The following P2RY8 variants were observed in gnomAD, a reference collection of about 807,000 sequenced individuals.
P2RY8 encodes S-geranylgeranyl-glutathione receptor P2RY8.
A neutral mutation model predicts 10.0 loss-of-function variants in P2RY8; 6 were observed. The observed-to-expected ratio is 0.60, with a 90% CI of 0.33 to 1.19. P2RY8 has a LOEUF of 1.19. Ranked by LOEUF, P2RY8 falls within the 50% of genes most tolerant of loss-of-function variation. The pLI is 0.04. For synonymous variants in P2RY8, 276 were observed against 252.5 expected, an observed-to-expected ratio of 1.09 and a Z score of -0.88; for missense variants, 456 against 542.0, an observed-to-expected ratio of 0.84 and a Z score of 1.58.
At chrX:1,532,057 G>T (rs1292659892) in intron 1 of P2RY8, among the ~76,000 whole-genome samples, 7 of 151,906 alleles carry the variant, frequency 4.6e-5, no homozygotes, top group Non-Finnish European at 1.0e-4. Flanking sequence ...CCCACTGCTG[G>T]GTATCTAGGT....
At chrX:1,532,723 C>A (rs1415644397) in intron 1 of P2RY8, among the ~76,000 whole-genome samples, 1 of 151,756 alleles carries the variant, frequency 6.6e-6, no homozygotes, top group Non-Finnish European at 1.5e-5. Context: ...CCACAACGGC[C>A]GGATGCGGTG....
At chrX:1,518,106 T>C (rs1352025649) in intron 1 of P2RY8, among the ~76,000 whole-genome samples, 1 of 76,216 alleles carries the variant, frequency 1.3e-5, no homozygotes, top group South Asian at 5.1e-4. Flanking sequence ...CGAAACTCCA[T>C]CTCAAAAAAA....
chrX:1,520,504 C>T (rs750512425), intron 1 of P2RY8, among the ~76,000 whole-genome samples: 2 of 151,438 alleles, frequency 1.3e-5, no homozygotes, highest in Non-Finnish European at 2.9e-5. Context: ...CCCCAATATT[C>T]TCTCTGGTCC....
At chrX:1,529,504 T>C (rs73186969) in intron 1 of P2RY8, among the ~76,000 whole-genome samples, 1 of 151,738 alleles carries the variant, frequency 6.6e-6, no homozygotes, top group Non-Finnish European at 1.5e-5. Context: ...AACTGGAGGG[T>C]GTACTCCTGG....
chrX:1,518,152 G>A lies in P2RY8; in HGVS notation c.-25+18769C>T, dbSNP rs1448307900. 2.0e-5 allele frequency among the ~76,000 whole-genome samples: 3 copies of A among 150,778 alleles called. No homozygotes were observed. In the South Asian group the frequency reaches 6.3e-4, roughly 31 times the overall value. ...TAAATAAAAATAATCTTGGCCGGGC[G>A]CGGTGGCTCACGCCCGTCATCTCAG... On this transcript the variant is annotated intron_variant, in intron 1 of 1. Coordinates refer to ENST00000381297, the MANE Select transcript of P2RY8 (RefSeq NM_178129.5).
intron 1 of P2RY8, among the ~76,000 whole-genome samples, chrX:1,524,860 TTCAA>T (rs1173193140): frequency 2.0e-5 from 2 of 98,808 alleles, no homozygotes; most frequent in Non-Finnish European, 4.6e-5. Flanking sequence ...CACTCATCCA[TTCAA>T]CCATCCACTC....
intron 1 of P2RY8, among the ~76,000 whole-genome samples, chrX:1,532,309 T>C (rs1416491931): frequency 1.7e-4 from 4 of 24,106 alleles, no homozygotes; most frequent in African/African-American, 2.5e-4. Flanking sequence ...ATGTGTGCCA[T>C]ATATATACAC....
intron 1 of P2RY8, among the ~76,000 whole-genome samples, chrX:1,484,023 G>A (rs1208943484): frequency 1.3e-5 from 2 of 151,674 alleles, no homozygotes; most frequent in Admixed American, 6.6e-5. Context: ...ACTCAAAGCT[G>A]GGCTCCCTTA....
At chrX:1,507,178 C>T (rs1477155258) in intron 1 of P2RY8, among the ~76,000 whole-genome samples, 17 of 151,956 alleles carry the variant, frequency 1.1e-4, no homozygotes, top group South Asian at 6.2e-4. Context: ...GAAGCCCTTG[C>T]GTACATGCAA....
Position 1,498,188 on chromosome X carries a change from C to T in P2RY8, c.-24-31606G>A, listed in dbSNP as rs188675521. 2.9e-3 allele frequency among the ~76,000 whole-genome samples: 444 copies of T among 151,896 alleles called. 5 individuals carry two copies. Among genetic ancestry groups the T allele is most frequent in the African/African-American group, 0.01 (421 of 41,438 alleles). ...TTGGGAGGCCGAGGCGGGCAGATCGCGAGGTCAGGAGATCAAGACCATCCT... is the reference window on the plus strand; with the variant it reads ...TTGGGAGGCCGAGGCGGGCAGATCGTGAGGTCAGGAGATCAAGACCATCCT... On this transcript the variant is annotated intron_variant, in intron 1 of 1. Transcript: ENST00000381297.
At chrX:1,500,994 C>T (rs780287095) in intron 1 of P2RY8, among the ~76,000 whole-genome samples, 2 of 152,304 alleles carry the variant, frequency 1.3e-5, no homozygotes, top group Admixed American at 1.3e-4. Context: ...CTGTCTGGCC[C>T]AGGGTGGCCT....
At chrX:1,524,311 C>T (rs756041251) in intron 1 of P2RY8, among the ~76,000 whole-genome samples, 7 of 152,062 alleles carry the variant, frequency 4.6e-5, no homozygotes, top group South Asian at 2.1e-4. Context: ...CTCATTCATC[C>T]GCTCATTCAT....
At chrX:1,532,447 A>C (rs2092484543) in intron 1 of P2RY8, among the ~76,000 whole-genome samples, 1 of 32,136 alleles carries the variant, frequency 3.1e-5, no homozygotes, top group African/African-American at 7.2e-5. Context: ...GTATATATGT[A>C]TATGTGTATA....
At position 1,527,648 on chromosome X, in the gene P2RY8, A is replaced by G. The variant is rs1334462095; in HGVS notation, c.-25+9273T>C. Among the ~76,000 whole-genome samples the G allele has an allele frequency of 2.0e-5, 3 of 151,558 alleles. No homozygotes were observed. The East Asian group carries it at 5.8e-4, about 29-fold the overall frequency. On this transcript the variant is annotated intron_variant, in intron 1 of 1. Transcript: ENST00000381297. ...CATCTACTCATTCATTCATCCATCC[A>G]ATCATCCCTTCATTCATTCATTCAT...
Position 1,462,935 on chromosome X carries a change from C to A in P2RY8, c.*2544G>T, listed in dbSNP as rs2091604914. On this transcript the variant is annotated 3_prime_UTR_variant, in exon 2 of 2. Coordinates refer to ENST00000381297, the MANE Select transcript of P2RY8 (RefSeq NM_178129.5). ...CCACGGCTGTAAGAGGGGGTGTCGG[C>A]TGCTCTCCATAGCCAAGTGGCTGCA... is the stretch of plus-strand genomic sequence containing the variant. 4.3e-6 allele frequency: 1 copy of A among 231,552 alleles called. No homozygotes were observed. The highest frequency in any genetic ancestry group is 8.5e-6 in the Non-Finnish European group (1 of 117,302). The allele number at this position is 231,552 out of a possible 1,614,324, so 14.3% of individuals were successfully genotyped here. A position where few individuals can be genotyped will look rare whatever the true frequency, so the allele number is the denominator to read the frequency against.
intron 1 of P2RY8, among the ~76,000 whole-genome samples, chrX:1,493,400 GGAGGA>G (rs2092078350): frequency 6.9e-5 from 3 of 43,772 alleles, no homozygotes; most frequent in Admixed American, 4.3e-4. Flanking sequence ...AGGGAGGGAA[GGAGGA>G]AGGAGGAGGA....
At position 1,465,356 on chromosome X, in the gene P2RY8, G is replaced by A. The variant is rs1287510684; in HGVS notation, c.*123C>T. ...TAAAGCCTGGAGACCCTTCCCCACC[G>A]GGCCTCTGCAGTGCCTGGGAGCAAC... On this transcript the variant is annotated 3_prime_UTR_variant, in exon 2 of 2. Coordinates refer to ENST00000381297, the MANE Select transcript of P2RY8 (RefSeq NM_178129.5). 5 of 1,456,296 alleles carry A rather than the reference G, an allele frequency of 3.4e-6. No homozygotes were observed. The Admixed American group carries it at 7.0e-5, about 20-fold the overall frequency. The allele number at this position is 1,456,296 out of a possible 1,614,324, so 90.2% of individuals were successfully genotyped here. A position where few individuals can be genotyped will look rare whatever the true frequency, so the allele number is the denominator to read the frequency against.
In P2RY8 at chrX:1,535,250, C is replaced by A; in HGVS notation, c.-25+1671G>T. Among the ~76,000 whole-genome samples, 4 of 124,172 alleles carry A rather than the reference C, an allele frequency of 3.2e-5. No homozygotes were observed. The Middle Eastern group carries it at 0.028, about 874-fold the overall frequency. The allele number at this position is 124,172 out of a possible 152,430, so 81.5% of individuals were successfully genotyped here. ...TCACCCAGGCTGGAGTGCAGTGGCG[C>A]GATCTTGGCTCACCGCAACCTCCGC... On this transcript the variant is annotated intron_variant, in intron 1 of 1. Transcript: ENST00000381297.
At chrX:1,513,859 C>T (rs2092318756) in intron 1 of P2RY8, among the ~76,000 whole-genome samples, 2 of 152,066 alleles carry the variant, frequency 1.3e-5, no homozygotes, top group African/African-American at 2.4e-5. Flanking sequence ...CCATGGCCTC[C>T]TCCTCTGTGT....
Sources: gnomAD v4.1 joint callset for allele counts (sites outside exome capture counted in the v4.1 genomes callset) on GRCh38, gnomAD v4.1.1 for gene constraint, MANE v1.5 for transcripts, NCBI Gene and HGNC (gene_info 2026-07-23, HGNC 2026-07-21) for gene names.